The following ACTR3C variants were observed in gnomAD, a reference collection of about 807,000 sequenced individuals.
ACTR3C encodes actin-related protein 3C.
In ACTR3C, 18 loss-of-function variants were observed where a neutral mutation model predicts 26.3. The ratio of observed to expected loss-of-function variants is 0.68; its 90% CI spans 0.47 to 1.01. The LOEUF (loss-of-function observed/expected upper bound fraction) is 1.01. Among genes scored for constraint, ACTR3C ranks in the 50% least tolerant of loss-of-function variants. ACTR3C has a pLI of 0.00. For synonymous variants in ACTR3C, 55 were observed against 94.5 expected (o/e 0.58, Z 2.42); for missense variants, 184 against 250.7 (o/e 0.73, Z 1.80).
chr7:149,928,361 C>T, the ACTR3C span, among the ~76,000 whole-genome samples: 4 of 145,202 alleles, frequency 2.8e-5, no homozygotes, highest in African/African-American at 1.0e-4. Context: ...CCAGTGTGCC[C>T]GGCTAATTTT....
At chr7:150,080,643 C>T in the ACTR3C span, among the ~76,000 whole-genome samples, 3 of 151,300 alleles carry the variant, frequency 2.0e-5, no homozygotes, top group Non-Finnish European at 4.4e-5. Context: ...CAAGAGACAC[C>T]TAGATGGACA....
the ACTR3C span, among the ~76,000 whole-genome samples, chr7:150,106,979 G>T: frequency 6.9e-6 from 1 of 145,496 alleles, no homozygotes; most frequent in Non-Finnish European, 1.5e-5. Context: ...AAATGAATAA[G>T]ATCATTGAGG....
At chr7:150,231,610 G>A in the ACTR3C span, among the ~76,000 whole-genome samples, 1 of 150,492 alleles carries the variant, frequency 6.6e-6, no homozygotes, top group African/African-American at 2.5e-5. Flanking sequence ...AAATTATCCA[G>A]CTTCATGTAT....
At chr7:150,250,396 G>C (rs1832763773) in intron 6 of ACTR3C, among the ~76,000 whole-genome samples, 1 of 151,518 alleles carries the variant, frequency 6.6e-6, no homozygotes, top group Admixed American at 6.6e-5. Flanking sequence ...CTAGAGACGG[G>C]GTTTCACCGT....
At chr7:150,279,061 T>C (rs538212289) in intron 6 of ACTR3C, among the ~76,000 whole-genome samples, 181 of 152,284 alleles carry the variant, frequency 1.2e-3, no homozygotes, top group African/African-American at 4.2e-3. Context: ...TCCCAGTGCT[T>C]TGGGGCTGAG....
chr7:149,954,299 A>G, the ACTR3C span, among the ~76,000 whole-genome samples: 1 of 152,228 alleles, frequency 6.6e-6, no homozygotes, highest in Admixed American at 6.5e-5. Context: ...AACATGTATA[A>G]ACATTGAAAA....
the ACTR3C span, among the ~76,000 whole-genome samples, chr7:150,088,441 G>A: frequency 6.6e-6 from 1 of 152,122 alleles, no homozygotes; most frequent in East Asian, 1.9e-4. Context: ...GCTTAAAAAT[G>A]AAAGACAGCA....
At chr7:150,295,442 G>A (rs1405876415) in intron 1 of ACTR3C, 95 bp from the exon 2 acceptor site, 10 of 1,276,378 alleles carry the variant, frequency 7.8e-6, no homozygotes, top group East Asian at 2.4e-5. Context: ...ATGTTAGCGA[G>A]GACATTATAC....
the ACTR3C span, among the ~76,000 whole-genome samples, chr7:149,996,857 G>T: frequency 2.0e-5 from 3 of 151,240 alleles, no homozygotes; most frequent in South Asian, 6.3e-4. Context: ...TGGTCTGTGG[G>T]TCAATCTTGG....
At chr7:150,318,622 C>T (rs541241787) in intron 1 of ACTR3C, among the ~76,000 whole-genome samples, 1 of 152,166 alleles carries the variant, frequency 6.6e-6, no homozygotes, top group Non-Finnish European at 1.5e-5. Context: ...ATTAGCCAGG[C>T]GTGGTGGTGC....
chr7:150,086,253 G>C, the ACTR3C span, among the ~76,000 whole-genome samples: 4 of 152,148 alleles, frequency 2.6e-5, no homozygotes, highest in Non-Finnish European at 1.5e-5. Context: ...CAAAGTGCTG[G>C]GATTACAGGC....
chr7:150,302,200 C>G (rs1181906879), intron 1 of ACTR3C, among the ~76,000 whole-genome samples: 1 of 152,134 alleles, frequency 6.6e-6, no homozygotes, highest in Admixed American at 6.5e-5. Context: ...ATCAAAAATG[C>G]AAATGTAAAG....
chr7:150,250,905 T>C lies in ACTR3C; in HGVS notation c.565-1851A>G, dbSNP rs984113540. Among the ~76,000 whole-genome samples, 24 of 152,166 alleles carry C rather than the reference T, an allele frequency of 1.6e-4. 1 individual carries two copies. The highest frequency in any genetic ancestry group is 1.5e-5 in the Non-Finnish European group (1 of 68,026). ...GGGATAAAAAATTGGATGTAGTTACTATGTGGAGAGTGCTTAAAAGGATGG... is the reference window on the plus strand; with the variant it reads ...GGGATAAAAAATTGGATGTAGTTACCATGTGGAGAGTGCTTAAAAGGATGG... On this transcript the variant is annotated intron_variant, in intron 6 of 7. Coordinates refer to ENST00000683684, the MANE Select transcript of ACTR3C (RefSeq NM_001164458.2).
At chr7:149,883,717 C>T in the ACTR3C span, among the ~76,000 whole-genome samples, 4 of 152,058 alleles carry the variant, frequency 2.6e-5, no homozygotes, top group Non-Finnish European at 5.9e-5. Flanking sequence ...CAGGGAGCCA[C>T]GATAATTCTC....
At chr7:149,996,260 G>C in the ACTR3C span, among the ~76,000 whole-genome samples, 2 of 151,580 alleles carry the variant, frequency 1.3e-5, no homozygotes, top group African/African-American at 4.8e-5. Context: ...GAAGGGGTAG[G>C]CTTGAGAGGG....
At chr7:150,292,823 C>G (rs537992314) in intron 3 of ACTR3C, among the ~76,000 whole-genome samples, 2 of 152,074 alleles carry the variant, frequency 1.3e-5, no homozygotes, top group Non-Finnish European at 2.9e-5. Context: ...AAACAAAAAG[C>G]AATTTTTCCA....
chr7:149,937,715 C>T, the ACTR3C span, among the ~76,000 whole-genome samples: 6 of 152,116 alleles, frequency 3.9e-5, no homozygotes, highest in East Asian at 1.9e-4. Context: ...TCAGGAACCA[C>T]GGAGCAGGAG....
the ACTR3C span, among the ~76,000 whole-genome samples, chr7:150,123,149 G>A: frequency 6.6e-5 from 10 of 151,714 alleles, no homozygotes; most frequent in Non-Finnish European, 1.3e-4. Context: ...CGGGTTGATG[G>A]GTGAAGCAAA....
the ACTR3C span, among the ~76,000 whole-genome samples, chr7:150,084,514 C>T: frequency 0.012 from 1,857 of 152,058 alleles, 46 homozygotes; most frequent in African/African-American, 0.043. Context: ...TGCCTCACTG[C>T]GGAGGTATCA....
Sources: allele counts gnomAD v4.1 joint callset (sites outside exome capture counted in the v4.1 genomes callset), GRCh38; gene constraint gnomAD v4.1.1; transcripts MANE v1.5; gene names NCBI Gene and HGNC (gene_info 2026-07-23, HGNC 2026-07-21).